MED23: variants seen among roughly 807,000 people sequenced by gnomAD.
The protein encoded by MED23 is mediator complex subunit 23.
Under a neutral mutation model 163.9 loss-of-function variants are expected in MED23, and 105 were observed. The ratio of observed to expected loss-of-function variants is 0.64; its 90% confidence interval spans 0.55 to 0.75. The LOEUF (loss-of-function observed/expected upper bound fraction) is 0.75, where lower values mean the gene tolerates loss of function less well. Ranked by LOEUF, MED23 falls within the 30% of genes least tolerant of loss-of-function variation. The pLI is 0.00. For synonymous variants in MED23, 561 were observed against 565.6 expected (o/e 0.99, Z 0.12); for missense variants, 1,054 against 1,649.0 (o/e 0.64, Z 6.25).
chr6:131,620,840 T>C (rs1483057734), intron 6 of MED23, 111 bp from the exon 7 acceptor site: 16 of 622,898 alleles, frequency 2.6e-5, no homozygotes, highest in Non-Finnish European at 4.1e-5. Flanking sequence ...CTTGCTCTGT[T>C]GCCCAGGCTT....
chr6:131,581,984 T>C (rs1585422565), downstream of MED23, among the ~76,000 whole-genome samples: 1 of 152,252 alleles, frequency 6.6e-6, no homozygotes, highest in African/African-American at 2.4e-5. Flanking sequence ...GCTTATAACT[T>C]TGTTGATATG....
In MED23 at chr6:131,590,423, G is replaced by A. The variant is rs765153641; in HGVS notation, c.3706C>T (p.Leu1236Phe). The A allele has an allele frequency of 6.2e-7, 1 of 1,604,830 alleles. No individual in the cohort carries two copies. Among genetic ancestry groups the A allele is most frequent in the Admixed American group, 1.7e-5 (1 of 59,934 alleles). ...LIPKFLTEVLLPIVKTEFQLL... is the reference protein window; with the variant it reads ...LIPKFLTEVLFPIVKTEFQLL... ...TGGAATTCGGTCTTCACTATAGGAA[G>A]AAGTACTTCAGTAAGAAACCTAAAA... The change falls in exon 27 of 29, where the codon CTT becomes TTT. Residue 1236 changes from leucine (L) to phenylalanine (F), a missense_variant. By Grantham distance (22) the Leu-to-Phe change is conservative. Coordinates refer to ENST00000368068, the MANE Select transcript of MED23 (RefSeq NM_004830.4).
chr6:131,612,488 G>A (rs966160012), intron 10 of MED23, among the ~76,000 whole-genome samples: 2 of 152,030 alleles, frequency 1.3e-5, no homozygotes, highest in African/African-American at 4.8e-5. Context: ...TCAATCACTA[G>A]GCTAAGATTA....
chr6:131,600,426 C>A (rs17060435), intron 17 of MED23, among the ~76,000 whole-genome samples: 1,823 of 152,110 alleles, frequency 0.012, 40 homozygotes, highest in African/African-American at 0.042. Flanking sequence ...AGAGTACCAG[C>A]GATAACAGTA....
intron 30 of MED23, chr6:131,579,309 T>C (rs749865319): frequency 3.1e-6 from 5 of 1,612,818 alleles, no homozygotes; most frequent in South Asian, 1.1e-5. Flanking sequence ...ACTGTGTCTA[T>C]GGGAATCTGG....
chr6:131,583,358 GA>G (rs1464239857), downstream of MED23: 1 of 1,614,120 alleles, frequency 6.2e-7, no homozygotes, highest in East Asian at 2.2e-5. Flanking sequence ...TTAAAAGAAA[GA>G]AAAGGCCAAT....
intron 27 of MED23, 105 bp from the exon 28 acceptor site, chr6:131,589,701 T>A: frequency 9.5e-7 from 1 of 1,048,118 alleles, no homozygotes; most frequent in Non-Finnish European, 1.5e-6. Context: ...GGATACTGTC[T>A]TTGCTGTAGA....
chr6:131,603,531 T>C (rs1775636920), intron 15 of MED23, among the ~76,000 whole-genome samples: 1 of 152,172 alleles, frequency 6.6e-6, no homozygotes, highest in South Asian at 2.1e-4. Context: ...TAATGTTCCA[T>C]ACCTTTTGAA....
intron 7 of MED23, 110 bp downstream of exon 7, chr6:131,620,518 C>T: frequency 1.3e-6 from 1 of 750,148 alleles, no homozygotes. Flanking sequence ...CAGGTTGGGT[C>T]TTGAACTCTT....
At position 131,598,671 on chromosome 6, in the gene MED23, T is replaced by A. The variant is rs1300017800; in HGVS notation, c.2311A>T (p.Ser771Cys). ...TGGGTAATAATGTCGTTTTCGTTGC[T>A]CATTGACTTCCACTTCCTATACTCC... is the stretch of plus-strand genomic sequence containing the variant. ...EEEYRKWKSMSNENDIITHFS... is the reference protein window; with the variant it reads ...EEEYRKWKSMCNENDIITHFS... The change falls in exon 19 of 29, where the codon AGC becomes TGC. Residue 771 changes from serine (S) to cysteine (C), a missense_variant. Transcript: ENST00000368068. This position sits in a 1 kb window ranked among gnomAD's most constrained non-coding sequence, Gnocchi z 4.7. The A allele has an allele frequency of 6.2e-7, 1 of 1,614,072 alleles. No homozygotes were observed. The highest frequency in any genetic ancestry group is 8.5e-7 in the Non-Finnish European group (1 of 1,180,028).
At chr6:131,590,558 T>C (rs1401879468) in intron 26 of MED23, 116 bp from the exon 27 acceptor site, 1 of 642,494 alleles carries the variant, frequency 1.6e-6, no homozygotes, top group Non-Finnish European at 2.6e-6. Context: ...AAGTTCCTTT[T>C]AATTTGGTAA....
At chr6:131,586,648 T>C (rs189286672), downstream of MED23, 6 of 875,676 alleles carry the variant, frequency 6.9e-6, no homozygotes, top group Admixed American at 1.2e-4. Flanking sequence ...CCAACTGTAG[T>C]GTAGGAACCA....
At chr6:131,619,438 A>G (rs888394744) in intron 8 of MED23, among the ~76,000 whole-genome samples, 1 of 151,872 alleles carries the variant, frequency 6.6e-6, no homozygotes, top group Admixed American at 6.5e-5. Flanking sequence ...AAGGAAAAGC[A>G]AAAGTGGGAA....
chr6:131,579,167 C>T (rs756825623), intron 30 of MED23: 1 of 1,614,136 alleles, frequency 6.2e-7, no homozygotes, highest in East Asian at 2.2e-5. Context: ...TAATGACAGT[C>T]CCTTTCAAAT....
Position 131,615,989 on chromosome 6 carries a change from G to A in MED23, c.794C>T (p.Pro265Leu), listed in dbSNP as rs1265804325. ...TACATATCTCAACAAAGCAGTCTGT[G>A]GTTCAAACAGATCCTTTAAAGAAAA... Reference protein sequence around the residue: ...LLPYDKDLFEPQTALLRYVLE... With the variant: ...LLPYDKDLFELQTALLRYVLE... The change falls in exon 10 of 29, where the codon CCA (proline) becomes CTA (leucine). Residue 265 changes from proline (P) to leucine (L), a missense_variant. Physicochemically the swap from Pro to Leu is moderately conservative, Grantham distance 98. Around this residue, in one of 11 missense-constraint regions of MED23, gnomAD observed 54 missense variants for 79.7 expected, o/e 0.68. Coordinates refer to ENST00000368068, the MANE Select transcript of MED23 (RefSeq NM_004830.4). 4 of 1,612,310 alleles carry A rather than the reference G, an allele frequency of 2.5e-6. No homozygotes were observed. Among genetic ancestry groups the A allele is most frequent in the East Asian group, 2.2e-5 (1 of 44,826 alleles).
intron 10 of MED23, among the ~76,000 whole-genome samples, chr6:131,613,264 G>A (rs560160755): frequency 1.1e-4 from 17 of 152,248 alleles, no homozygotes; most frequent in Admixed American, 9.2e-4. Flanking sequence ...ACAAACTCTC[G>A]TGTAAGCACA....
At chr6:131,600,616 G>A (rs564437970) in intron 17 of MED23, among the ~76,000 whole-genome samples, 7 of 152,292 alleles carry the variant, frequency 4.6e-5, no homozygotes, top group South Asian at 2.1e-4. Context: ...TTACATAAAC[G>A]TATTTGAGGT....
chr6:131,585,680 A>C (rs1232982485), downstream of MED23, among the ~76,000 whole-genome samples: 1 of 152,262 alleles, frequency 6.6e-6, no homozygotes, highest in Non-Finnish European at 1.5e-5. Context: ...GTCATACTGG[A>C]CAGAGCCACT....
chr6:131,608,475 AT>A (rs71030750), intron 11 of MED23, among the ~76,000 whole-genome samples: 80 of 147,108 alleles, frequency 5.4e-4, no homozygotes, highest in Admixed American at 8.2e-4. Context: ...CACCAAAAGG[AT>A]TTTTTTTTTT....
Sources: gnomAD v4.1 joint callset for allele counts (sites outside exome capture counted in the v4.1 genomes callset) on GRCh38, gnomAD v4.1.1 for gene constraint, gnomAD v4.1.1 regional missense constraint, Gnocchi (gnomAD v3.1) non-coding constraint, MANE v1.5 for transcripts, NCBI Gene and HGNC (gene_info 2026-07-23, HGNC 2026-07-21) for gene names.